CMSS1: variants seen among roughly 807,000 people sequenced by gnomAD.
The protein encoded by CMSS1 is cms1 ribosomal small subunit homolog, also known as protein CMSS1.
A neutral mutation model predicts 43.5 loss-of-function variants in CMSS1; 33 were observed. The observed-to-expected ratio is 0.76, with a 90% confidence interval of 0.57 to 1.01. The LOEUF is 1.01. Among genes scored for constraint, CMSS1 ranks in the 50% least tolerant of loss-of-function variants. CMSS1 has a pLI of 0.00. For synonymous variants in CMSS1, 115 were observed against 117.2 expected (o/e 0.98, Z 0.12); for missense variants, 313 against 326.4 (o/e 0.96, Z 0.32).
At chr3:99,849,069 C>G (rs1160475994) in intron 1 of CMSS1, 1 of 1,614,106 alleles carries the variant, frequency 6.2e-7, no homozygotes, top group East Asian at 2.2e-5. Flanking sequence ...GATGGCCCTC[C>G]TTGGATTTCA....
chr3:100,181,041 A>C lies in CMSS1; in HGVS notation c.*2653A>C, dbSNP rs2067181539. 2 of 152,326 alleles carry C rather than the reference A, an allele frequency of 1.3e-5. No homozygotes were observed. The highest frequency in any genetic ancestry group is 4.1e-4 in the South Asian group (2 of 4,830). 9.4% of individuals were successfully genotyped at this position (152,326 alleles called of 1,614,324 possible). A position where few individuals can be genotyped will look rare whatever the true frequency, so the allele number is the denominator to read the frequency against. ...AAGAGAGTGAAGGGGGAAGTGCTAT[A>C]CACTTTTAAACAATCAGATCTCTTG... is the stretch of plus-strand genomic sequence containing the variant. On this transcript the variant is annotated 3_prime_UTR_variant, in exon 10 of 10. Transcript: ENST00000421999.
Position 100,172,309 on chromosome 3 carries a change from G to T in CMSS1, c.580-7G>T, listed in dbSNP as rs1447129034. ...CCTTTTCTTTCTTCTCTTTCATCTTGGAACAGGTCCAGGCGCAGGTAAAGT... is the reference window on the plus strand; with the variant it reads ...CCTTTTCTTTCTTCTCTTTCATCTTTGAACAGGTCCAGGCGCAGGTAAAGT... On this transcript the variant is annotated splice_polypyrimidine_tract_variant and splice_region_variant and intron_variant, in intron 7 of 9. Coordinates refer to ENST00000421999, the MANE Select transcript of CMSS1 (RefSeq NM_032359.4). 1 of 1,612,438 alleles carries T rather than the reference G, an allele frequency of 6.2e-7. No individual in the cohort carries two copies. Among genetic ancestry groups the T allele is most frequent in the African/African-American group, 1.3e-5 (1 of 74,842 alleles).
At chr3:99,869,851 CAA>C (rs1196093797) in intron 1 of CMSS1, among the ~76,000 whole-genome samples, 1 of 152,184 alleles carries the variant, frequency 6.6e-6, no homozygotes, top group Non-Finnish European at 1.5e-5. Context: ...CCATGAGACA[CAA>C]TAAATCTGGC....
At chr3:99,818,073 G>A (rs759862699) in intron 1 of CMSS1, 30 bp downstream of exon 1, 1 of 1,606,350 alleles carries the variant, frequency 6.2e-7, no homozygotes, top group East Asian at 2.2e-5. Context: ...GCTCCTACGG[G>A]GCCTCTCCCG....
Position 100,181,478 on chromosome 3 carries a change from G to A in CMSS1, c.*3090G>A, listed in dbSNP as rs137957421. The A allele has an allele frequency of 6.6e-6, 1 of 152,258 alleles. No individual in the cohort carries two copies. The highest frequency in any genetic ancestry group is 2.4e-5 in the African/African-American group (1 of 41,550). 9.4% of individuals were successfully genotyped at this position (152,258 alleles called of 1,614,324 possible). A position where few individuals can be genotyped will look rare whatever the true frequency, so the allele number is the denominator to read the frequency against. ...ATTAACTAAACTACAGAGTTTATTTGGATTTCTCCAATTTTTCCACTAATG... is the reference window on the plus strand; with the variant it reads ...ATTAACTAAACTACAGAGTTTATTTAGATTTCTCCAATTTTTCCACTAATG... On this transcript the variant is annotated 3_prime_UTR_variant, in exon 10 of 10. Coordinates refer to ENST00000421999, the MANE Select transcript of CMSS1 (RefSeq NM_032359.4).
intron 1 of CMSS1, among the ~76,000 whole-genome samples, chr3:100,049,025 A>G (rs1303450332): frequency 6.6e-6 from 1 of 152,222 alleles, no homozygotes; most frequent in Non-Finnish European, 1.5e-5. Flanking sequence ...AGTATAGCAA[A>G]CAAAAGGGCA....
chr3:100,041,727 G>T (rs2065207645), intron 1 of CMSS1, among the ~76,000 whole-genome samples: 2 of 152,144 alleles, frequency 1.3e-5, no homozygotes, highest in African/African-American at 4.8e-5. Context: ...GTGAAATGGA[G>T]GTATTTTATG....
intron 1 of CMSS1, among the ~76,000 whole-genome samples, chr3:99,960,115 T>A (rs1559704302): frequency 6.6e-6 from 1 of 152,218 alleles, no homozygotes; most frequent in African/African-American, 2.4e-5. Flanking sequence ...GGGTTAAGTT[T>A]AACATTGAAA....
chr3:99,930,112 C>T, intron 1 of CMSS1: 1 of 1,121,012 alleles, frequency 8.9e-7, no homozygotes, highest in Non-Finnish European at 1.3e-6. Context: ...GTTGGCAGTG[C>T]TTTTTCTTCT....
rs187682709 is a variant in CMSS1, at chr3:100,147,688, A to C, written c.153+627A>C. Among the ~76,000 whole-genome samples the C allele has an allele frequency of 1.8e-3, 276 of 152,362 alleles. 2 individuals are homozygous for C. The highest frequency in any genetic ancestry group is 6.3e-3 in the African/African-American group (263 of 41,584). On this transcript the variant is annotated intron_variant, in intron 2 of 9. Coordinates refer to ENST00000421999, the MANE Select transcript of CMSS1 (RefSeq NM_032359.4). ...TGGGTACAACTCCTAAAAGGAGATA[A>C]ATAGTATAAAGATAGAGAAGGTTAT... is the stretch of plus-strand genomic sequence containing the variant.
chr3:100,030,707 C>T (rs2065009217), intron 1 of CMSS1, among the ~76,000 whole-genome samples: 1 of 152,112 alleles, frequency 6.6e-6, no homozygotes, highest in African/African-American at 2.4e-5. Context: ...GCTGCTTTTC[C>T]TCTACCATAT....
At chr3:100,116,832 G>A (rs1463934057) in intron 1 of CMSS1, among the ~76,000 whole-genome samples, 1 of 152,078 alleles carries the variant, frequency 6.6e-6, no homozygotes, top group Non-Finnish European at 1.5e-5. Flanking sequence ...TGTGGGTAAG[G>A]GCCCCTTTGG....
Position 100,107,782 on chromosome 3 carries a change from A to G in CMSS1, c.65-39191A>G, listed in dbSNP as rs116578352. On this transcript the variant is annotated intron_variant, in intron 1 of 9. Transcript: ENST00000421999. The stretch of plus-strand genomic sequence containing the variant: ...TTAGAAATTTCATTGTCTCCTCAGA[A>G]TCCTCTGGACTGTGAGGCCATAAAC... 4.6e-3 allele frequency among the ~76,000 whole-genome samples: 703 copies of G among 152,084 alleles called. 2 individuals are homozygous for G. The highest frequency in any genetic ancestry group is 6.7e-3 in the South Asian group (32 of 4,808).
intron 1 of CMSS1, chr3:99,848,067 A>G (rs1943447880): frequency 3.1e-6 from 4 of 1,306,904 alleles, no homozygotes; most frequent in East Asian, 2.9e-5. Flanking sequence ...TTTTCCATAC[A>G]AGTATGTAAA....
At chr3:99,850,497 C>A in intron 1 of CMSS1, 1 of 1,613,200 alleles carries the variant, frequency 6.2e-7, no homozygotes, top group Non-Finnish European at 8.5e-7. Flanking sequence ...TGCACTGCTC[C>A]TCCATTTTTA....
At chr3:99,939,900 C>T (rs1466980370) in intron 1 of CMSS1, among the ~76,000 whole-genome samples, 7 of 152,116 alleles carry the variant, frequency 4.6e-5, no homozygotes, top group Non-Finnish European at 8.8e-5. Flanking sequence ...TCTCTATGCT[C>T]ATGCTAAATT....
chr3:99,998,870 T>C (rs916999381), intron 1 of CMSS1, among the ~76,000 whole-genome samples: 2 of 152,098 alleles, frequency 1.3e-5, no homozygotes, highest in African/African-American at 4.8e-5. Flanking sequence ...CGCCCGGCCA[T>C]GGTTCTTAAA....
At chr3:99,982,379 A>G (rs1299768144) in intron 1 of CMSS1, among the ~76,000 whole-genome samples, 1 of 151,804 alleles carries the variant, frequency 6.6e-6, no homozygotes, top group Non-Finnish European at 1.5e-5. Flanking sequence ...TCACTCTTTC[A>G]ACCAGGCTAG....
intron 1 of CMSS1, among the ~76,000 whole-genome samples, chr3:99,893,525 A>C (rs1432526911): frequency 6.6e-6 from 1 of 152,158 alleles, no homozygotes; most frequent in Non-Finnish European, 1.5e-5. Flanking sequence ...TGTTCATTTT[A>C]TAGAATTTGA....
Sources: gnomAD v4.1 joint callset for allele counts (sites outside exome capture counted in the v4.1 genomes callset) on GRCh38, gnomAD v4.1.1 for gene constraint, MANE v1.5 for transcripts, NCBI Gene and HGNC (gene_info 2026-07-23, HGNC 2026-07-21) for gene names.